Variants in MGMT observed in about 807,000 individuals in gnomAD.
The protein encoded by MGMT is O-6-methylguanine-DNA methyltransferase.
Under a neutral mutation model 15.9 loss-of-function variants are expected in MGMT, and 14 were observed. The ratio of observed to expected loss-of-function variants is 0.88; its 90% CI spans 0.58 to 1.37. The LOEUF (loss-of-function observed/expected upper bound fraction) is 1.37. Among genes scored for constraint, MGMT ranks in the 40% most tolerant of loss-of-function variants. The probability of loss-of-function intolerance (pLI) is 0.00; values close to 1 mark genes in which losing one functional copy is unlikely to be tolerated. For missense variants in MGMT, 282 were observed against 268.1 expected, an observed-to-expected ratio of 1.05 and a Z score of -0.36; for synonymous variants, 130 against 118.2, an observed-to-expected ratio of 1.10 and a Z score of -0.65.
intron 2 of MGMT, among the ~76,000 whole-genome samples, chr10:129,619,493 G>A (rs145005996): frequency 6.5e-4 from 99 of 152,096 alleles, no homozygotes; most frequent in African/African-American, 2.2e-3. Context: ...TTATTATCGG[G>A]GTAATGCTGG....
At chr10:129,543,498 A>G (rs1846067152) in intron 2 of MGMT, among the ~76,000 whole-genome samples, 1 of 152,164 alleles carries the variant, frequency 6.6e-6, no homozygotes, top group Admixed American at 6.5e-5. Flanking sequence ...AAATTGTTGT[A>G]TGGTTTCTGA....
intron 2 of MGMT, among the ~76,000 whole-genome samples, chr10:129,555,312 C>T (rs761538334): frequency 9.2e-5 from 14 of 152,344 alleles, no homozygotes; most frequent in Non-Finnish European, 1.5e-4. Context: ...GTTCTCCTTC[C>T]GTGCCGTGCT....
At position 129,501,657 on chromosome 10, in the gene MGMT, C is replaced by G. The variant is rs920228122; in HGVS notation, c.-13+34361C>G. On this transcript the variant is annotated intron_variant, in intron 1 of 4. Transcript: ENST00000651593. ...TAAGCAACTGTGGGTTTTCTTCCAT[C>G]GAAGCACCTGCCGCAGGTGATGATT... 9.2e-5 allele frequency among the ~76,000 whole-genome samples: 14 copies of G among 152,308 alleles called. No individual in the cohort carries two copies. In the East Asian group the frequency reaches 2.5e-3, roughly 27 times the overall value.
intron 1 of MGMT, among the ~76,000 whole-genome samples, chr10:129,510,495 A>G (rs1331298159): frequency 6.6e-6 from 1 of 152,066 alleles, no homozygotes; most frequent in East Asian, 1.9e-4. Context: ...GTGAGAATGG[A>G]TACATTATTG....
intron 2 of MGMT, among the ~76,000 whole-genome samples, chr10:129,676,408 A>G (rs1445637014): frequency 1.3e-5 from 2 of 152,210 alleles, no homozygotes; most frequent in South Asian, 4.1e-4. Flanking sequence ...AGAAGGGCTC[A>G]TGGCAGAGCA....
chr10:129,592,108 G>C (rs775952904), intron 2 of MGMT, among the ~76,000 whole-genome samples: 1 of 152,186 alleles, frequency 6.6e-6, no homozygotes, highest in African/African-American at 2.4e-5. Context: ...AAGGGTTTGC[G>C]TGTGACTCAG....
intron 1 of MGMT, among the ~76,000 whole-genome samples, chr10:129,469,973 A>C (rs1357179691): frequency 6.6e-6 from 1 of 152,104 alleles, no homozygotes; most frequent in Non-Finnish European, 1.5e-5. Flanking sequence ...AGGCCTCCCA[A>C]AGTGCTGGAA....
chr10:129,530,324 T>A (rs989502051), intron 1 of MGMT, among the ~76,000 whole-genome samples: 1 of 152,242 alleles, frequency 6.6e-6, no homozygotes, highest in African/African-American at 2.4e-5. Context: ...TTTGATTTTT[T>A]AAAAATAAAC....
intron 1 of MGMT, among the ~76,000 whole-genome samples, chr10:129,529,968 G>A (rs1390369842): frequency 2.6e-5 from 4 of 151,932 alleles, no homozygotes; most frequent in Non-Finnish European, 4.4e-5. Flanking sequence ...TGGCACTACC[G>A]TGGCTCACTG....
At chr10:129,666,412 GT>G (rs1274782686) in intron 2 of MGMT, among the ~76,000 whole-genome samples, 1 of 151,980 alleles carries the variant, frequency 6.6e-6, no homozygotes, top group Non-Finnish European at 1.5e-5. Context: ...GGAATATGCT[GT>G]TTTTTCACTT....
intron 1 of MGMT, among the ~76,000 whole-genome samples, chr10:129,474,054 T>C (rs1367978342): frequency 2.0e-5 from 3 of 152,142 alleles, no homozygotes; most frequent in Admixed American, 6.5e-5. Context: ...GGGTGGGCAT[T>C]TTGAGCAGAG....
intron 2 of MGMT, among the ~76,000 whole-genome samples, chr10:129,655,364 C>T (rs1847513541): frequency 6.6e-6 from 1 of 152,230 alleles, no homozygotes; most frequent in Non-Finnish European, 1.5e-5. Flanking sequence ...TCTTTAGACT[C>T]AGTTGAAGAC....
chr10:129,615,621 G>A (rs889380724), intron 2 of MGMT, among the ~76,000 whole-genome samples: 17 of 152,192 alleles, frequency 1.1e-4, no homozygotes, highest in Admixed American at 2.0e-4. Flanking sequence ...TCTCAGGGAT[G>A]CAGCGTGGTG....
At chr10:129,660,800 G>A (rs112537953) in intron 2 of MGMT, among the ~76,000 whole-genome samples, 48 of 127,614 alleles carry the variant, frequency 3.8e-4, no homozygotes, top group African/African-American at 1.1e-3. Flanking sequence ...ACACACACAC[G>A]CACACACATG....
intron 1 of MGMT, among the ~76,000 whole-genome samples, chr10:129,506,690 A>T (rs1845628988): frequency 1.3e-5 from 2 of 152,252 alleles, no homozygotes; most frequent in Non-Finnish European, 2.9e-5. Flanking sequence ...GCTCTATCCG[A>T]AAGAGTCGAC....
intron 3 of MGMT, among the ~76,000 whole-genome samples, chr10:129,718,493 G>C (rs1848327204): frequency 1.3e-5 from 2 of 151,202 alleles, no homozygotes; most frequent in African/African-American, 2.4e-5. Context: ...CTTCACTCCA[G>C]GCTTGCACAG....
intron 2 of MGMT, among the ~76,000 whole-genome samples, chr10:129,680,849 C>T (rs1031695773): frequency 3.3e-5 from 5 of 152,192 alleles, no homozygotes; most frequent in African/African-American, 1.2e-4. Context: ...GGGTGCCGGC[C>T]GTGTCTGATG....
At chr10:129,732,318 C>A (rs1259673787) in intron 3 of MGMT, among the ~76,000 whole-genome samples, 2 of 145,796 alleles carry the variant, frequency 1.4e-5, no homozygotes, top group African/African-American at 2.6e-5. Context: ...CCCCACCCCC[C>A]GACAGGCCCC....
intron 2 of MGMT, among the ~76,000 whole-genome samples, chr10:129,542,848 T>C (rs964106918): frequency 4.6e-5 from 7 of 152,216 alleles, no homozygotes; most frequent in Non-Finnish European, 7.3e-5. Flanking sequence ...CTGTCCACGC[T>C]GACGGATGTT....
Sources: gnomAD v4.1 joint callset for allele counts (sites outside exome capture counted in the v4.1 genomes callset) on GRCh38, gnomAD v4.1.1 for gene constraint, MANE v1.5 for transcripts, NCBI Gene and HGNC (gene_info 2026-07-23, HGNC 2026-07-21) for gene names.